The following SCUBE2 variants were observed in gnomAD, a reference collection of about 807,000 sequenced individuals.
SCUBE2 encodes signal peptide, CUB and EGF-like domain-containing protein 2.
SCUBE2 carries 114 observed loss-of-function variants against 125.9 expected under a neutral mutation model. The observed-to-expected ratio is 0.91, with a 90% CI of 0.78 to 1.06. The LOEUF is 1.06. Ranked by LOEUF, SCUBE2 falls within the 50% of genes least tolerant of loss-of-function variation. The pLI is 0.00. For synonymous variants in SCUBE2, 459 were observed against 492.9 expected, an observed-to-expected ratio of 0.93 and a Z score of 0.91; for missense variants, 1,255 against 1,301.8, an observed-to-expected ratio of 0.96 and a Z score of 0.55.
chr11:9,079,232 T>C, intron 3 of SCUBE2, 152 bp downstream of exon 3: 3 of 750,622 alleles, frequency 4.0e-6, no homozygotes, highest in Non-Finnish European at 6.4e-6. Flanking sequence ...TGAAACATTT[T>C]ACCTCATTTT....
Position 9,091,266 on chromosome 11 carries a change from G to A in SCUBE2, c.133+130C>T. 1.7e-6 allele frequency: 1 copy of A among 593,938 alleles called. No homozygotes were observed. Among genetic ancestry groups the A allele is most frequent in the Non-Finnish European group, 2.4e-6 (1 of 419,910 alleles). The allele number at this position is 593,938 out of a possible 1,614,324, so 36.8% of individuals were successfully genotyped here. A position where few individuals can be genotyped will look rare whatever the true frequency, so the allele number is the denominator to read the frequency against. On this transcript the variant is annotated intron_variant, in intron 1 of 22. Coordinates refer to ENST00000649792, the MANE Select transcript of SCUBE2 (RefSeq NM_001367977.2). This position sits in a 1 kb window ranked among gnomAD's most constrained non-coding sequence, Gnocchi z 8.5. The stretch of plus-strand genomic sequence containing the variant: ...GGCGGGTGAGGTCCCGGGGGGAGCA[G>A]AGGCCCCCGCGGAGCTGCAGCCGCC...
intron 21 of SCUBE2, among the ~76,000 whole-genome samples, chr11:9,022,224 G>C (rs1855361462): frequency 6.6e-6 from 1 of 152,026 alleles, no homozygotes; most frequent in South Asian, 2.1e-4. Context: ...CCTCCACTTA[G>C]CATGCCAGGT....
intron 2 of SCUBE2, among the ~76,000 whole-genome samples, chr11:9,081,457 G>A (rs1477431095): frequency 6.6e-6 from 1 of 151,862 alleles, no homozygotes; most frequent in Non-Finnish European, 1.5e-5. Flanking sequence ...TTGTCTTTTT[G>A]TGACTGGCTT....
rs1486617661 is a variant in SCUBE2, at chr11:9,047,892, T to C, written c.1795+51A>G. The C allele has an allele frequency of 2.6e-6, 4 of 1,549,346 alleles. No individual in the cohort carries two copies. In the South Asian group the frequency reaches 3.7e-5, roughly 14 times the overall value. On this transcript the variant is annotated intron_variant, in intron 15 of 22. Transcript: ENST00000649792. Reference sequence around the variant, plus strand: ...TAATAAAAAGTGAAAGGCAAAGAAATAAGGAGCAAGCCGTGAGAAGCCTGG... The same window carrying C: ...TAATAAAAAGTGAAAGGCAAAGAAACAAGGAGCAAGCCGTGAGAAGCCTGG...
At chr11:9,059,643 C>G (rs1165038677) in intron 8 of SCUBE2, 3 of 574,904 alleles carry the variant, frequency 5.2e-6, no homozygotes, top group Non-Finnish European at 2.9e-6. Flanking sequence ...CTTGAGAACG[C>G]TGACTTATGA....
At chr11:9,059,906 G>T (rs1859490325) in intron 8 of SCUBE2, among the ~76,000 whole-genome samples, 1 of 152,252 alleles carries the variant, frequency 6.6e-6, no homozygotes, top group East Asian at 1.9e-4. Flanking sequence ...CTGGCAATTG[G>T]TTATCTACTT....
chr11:9,037,560 G>T (rs539363784), intron 16 of SCUBE2, among the ~76,000 whole-genome samples: 8 of 152,196 alleles, frequency 5.3e-5, no homozygotes, highest in Non-Finnish European at 1.0e-4. Context: ...TAAGAATCAC[G>T]CCTTGACTTC....
chr11:9,069,059 T>C (rs897708977), intron 5 of SCUBE2, among the ~76,000 whole-genome samples: 3 of 152,218 alleles, frequency 2.0e-5, no homozygotes, highest in African/African-American at 7.2e-5. Context: ...GGCAAAGAGC[T>C]GTGATTGCCA....
chr11:9,046,779 T>C (rs544475390), intron 16 of SCUBE2, among the ~76,000 whole-genome samples: 4 of 152,352 alleles, frequency 2.6e-5, no homozygotes, highest in Non-Finnish European at 4.4e-5. Flanking sequence ...CAGCCTCTTG[T>C]AGACAGTTAC....
intron 1 of SCUBE2, among the ~76,000 whole-genome samples, chr11:9,090,981 T>C (rs999582585): frequency 3.3e-5 from 5 of 151,932 alleles, no homozygotes; most frequent in African/African-American, 1.2e-4. Flanking sequence ...CAGCAGAACT[T>C]GCCGGCCCCC....
rs1339674454 is a variant in SCUBE2, at chr11:9,072,424, G to T, written c.517+2057C>A. ...GGGGTTTCACCGCGTTAGCCAGGATGGTCTCGATCTCCTGACCTCGTGATC... is the reference window on the plus strand; with the variant it reads ...GGGGTTTCACCGCGTTAGCCAGGATTGTCTCGATCTCCTGACCTCGTGATC... On this transcript the variant is annotated intron_variant, in intron 4 of 22. Transcript: ENST00000649792. Among the ~76,000 whole-genome samples, 3 of 152,236 alleles carry T rather than the reference G, an allele frequency of 2.0e-5. No homozygotes were observed. In the East Asian group the frequency reaches 5.8e-4, roughly 29 times the overall value.
At chr11:9,070,956 T>C (rs1370088407) in intron 4 of SCUBE2, among the ~76,000 whole-genome samples, 2 of 152,162 alleles carry the variant, frequency 1.3e-5, no homozygotes, top group Non-Finnish European at 2.9e-5. Flanking sequence ...GGCTGTCAAT[T>C]AACACAGAAA....
intron 21 of SCUBE2, among the ~76,000 whole-genome samples, chr11:9,022,920 C>T (rs1458832747): frequency 6.6e-6 from 1 of 152,124 alleles, no homozygotes; most frequent in African/African-American, 2.4e-5. Flanking sequence ...TTCTTATCCA[C>T]CAAGAAAGAC....
chr11:9,052,368 G>A (rs774237435), intron 13 of SCUBE2, among the ~76,000 whole-genome samples: 17 of 152,196 alleles, frequency 1.1e-4, no homozygotes, highest in African/African-American at 3.4e-4. Context: ...CCCCTTTCTC[G>A]GCACAGAATC....
Position 9,065,485 on chromosome 11 carries a change from T to C in SCUBE2, c.850+406A>G, listed in dbSNP as rs556053963. 5.3e-5 allele frequency among the ~76,000 whole-genome samples: 8 copies of C among 152,326 alleles called. No homozygotes were observed. The South Asian group carries it at 1.7e-3, about 32-fold the overall frequency. ...CCAGCCATGTGGAACTGTGAGTCAA[T>C]TAAGCCTCTTTCTTTATCAATTACC... is the stretch of plus-strand genomic sequence containing the variant. On this transcript the variant is annotated intron_variant, in intron 7 of 22. Coordinates refer to ENST00000649792, the MANE Select transcript of SCUBE2 (RefSeq NM_001367977.2).
chr11:9,025,235 C>G (rs938516217), intron 21 of SCUBE2, among the ~76,000 whole-genome samples: 2 of 152,204 alleles, frequency 1.3e-5, no homozygotes, highest in African/African-American at 2.4e-5. Context: ...CCTTCCCTGC[C>G]TCAGGATTCT....
intron 16 of SCUBE2, among the ~76,000 whole-genome samples, chr11:9,036,898 G>C (rs1304557951): frequency 6.6e-6 from 1 of 152,186 alleles, no homozygotes; most frequent in Non-Finnish European, 1.5e-5. Context: ...GCTGCCCTGT[G>C]GAAAAGAGGG....
intron 16 of SCUBE2, among the ~76,000 whole-genome samples, chr11:9,034,228 G>A (rs532896712): frequency 1.5e-4 from 23 of 152,300 alleles, no homozygotes; most frequent in Middle Eastern, 3.4e-3. Context: ...GTGGCATCCC[G>A]AAAGGTGTCC....
intron 9 of SCUBE2, among the ~76,000 whole-genome samples, chr11:9,057,865 C>T (rs1489171186): frequency 1.3e-5 from 2 of 152,132 alleles, no homozygotes; most frequent in Non-Finnish European, 2.9e-5. Context: ...TAAATTAGTC[C>T]TTATTCCCAA....
Sources: gnomAD v4.1 joint callset for allele counts (sites outside exome capture counted in the v4.1 genomes callset) on GRCh38, gnomAD v4.1.1 for gene constraint, Gnocchi (gnomAD v3.1) non-coding constraint, MANE v1.5 for transcripts, NCBI Gene and HGNC (gene_info 2026-07-23, HGNC 2026-07-21) for gene names.